EXTL3: variants seen among roughly 807,000 people sequenced by gnomAD.
The protein encoded by EXTL3 is exostosin-like 3.
A neutral mutation model predicts 69.3 loss-of-function variants in EXTL3; 27 were observed. That is an observed-to-expected ratio of 0.39 (90% CI 0.29 to 0.54). The LOEUF (loss-of-function observed/expected upper bound fraction) is 0.54. Ranked by LOEUF, EXTL3 falls within the 20% of genes least tolerant of loss-of-function variation. The pLI is 0.69. For synonymous variants in EXTL3, 511 were observed against 499.4 expected (o/e 1.02, Z -0.31); for missense variants, 1,003 against 1,231.8 (o/e 0.81, Z 2.78).
At chr8:28,632,774 G>A (rs1271422214) in intron 1 of EXTL3, among the ~76,000 whole-genome samples, 4 of 151,582 alleles carry the variant, frequency 2.6e-5, no homozygotes, top group African/African-American at 9.7e-5. Context: ...GGCTGGTCTC[G>A]AACTCCTGAC....
chr8:28,634,394 C>T (rs750444435), intron 1 of EXTL3, among the ~76,000 whole-genome samples: 21 of 152,034 alleles, frequency 1.4e-4, no homozygotes, highest in South Asian at 2.1e-4. Flanking sequence ...CCGTGCAGCT[C>T]GCAGCACCCA....
intron 2 of EXTL3, among the ~76,000 whole-genome samples, chr8:28,713,801 C>T (rs1801079582): frequency 6.6e-6 from 1 of 151,838 alleles, no homozygotes; most frequent in South Asian, 2.1e-4. Flanking sequence ...GGTCTGATGT[C>T]TTGTCAGGTG....
chr8:28,733,215 G>A (rs555917163), intron 4 of EXTL3, among the ~76,000 whole-genome samples: 11 of 152,104 alleles, frequency 7.2e-5, no homozygotes, highest in East Asian at 1.9e-4. Flanking sequence ...ATTTTGAGCC[G>A]GTCAGGCTGT....
intron 6 of EXTL3, among the ~76,000 whole-genome samples, chr8:28,748,974 C>T (rs773570288): frequency 2.0e-4 from 30 of 152,108 alleles, no homozygotes; most frequent in Non-Finnish European, 2.9e-4. Context: ...ACCCAGTCGT[C>T]GATACCCTTG....
intron 3 of EXTL3, among the ~76,000 whole-genome samples, chr8:28,722,545 G>A (rs1182037619): frequency 2.0e-5 from 3 of 152,096 alleles, no homozygotes; most frequent in Non-Finnish European, 4.4e-5. Context: ...GGAGACTGAG[G>A]TGGGTGGACT....
intron 1 of EXTL3, among the ~76,000 whole-genome samples, chr8:28,639,534 G>C (rs187397551): frequency 6.6e-6 from 1 of 152,148 alleles, no homozygotes; most frequent in Non-Finnish European, 1.5e-5. Flanking sequence ...TTTTCTGAAA[G>C]GTGCTGCCTG....
intron 1 of EXTL3, among the ~76,000 whole-genome samples, chr8:28,653,768 C>T (rs1431452802): frequency 1.3e-5 from 2 of 152,158 alleles, no homozygotes; most frequent in Non-Finnish European, 2.9e-5. Context: ...GTTTTGATTA[C>T]ACTTTTTTGA....
chr8:28,696,321 A>G (rs1800685585), intron 1 of EXTL3: 1 of 152,238 alleles, frequency 6.6e-6, no homozygotes, highest in Admixed American at 6.5e-5. Flanking sequence ...CACCCAGCTC[A>G]AGAAACAGCA....
intron 1 of EXTL3, among the ~76,000 whole-genome samples, chr8:28,677,216 A>G (rs1807401544): frequency 6.6e-6 from 1 of 152,178 alleles, no homozygotes; most frequent in Non-Finnish European, 1.5e-5. Flanking sequence ...TAAAAATATC[A>G]AAGAGCTATG....
chr8:28,622,062 A>C (rs1390044633), upstream of EXTL3, among the ~76,000 whole-genome samples: 2 of 152,164 alleles, frequency 1.3e-5, no homozygotes, highest in Non-Finnish European at 2.9e-5. Context: ...CCCCTGTCAC[A>C]CAGAACCCCG....
intron 3 of EXTL3, among the ~76,000 whole-genome samples, chr8:28,720,582 A>G (rs1252345253): frequency 6.6e-6 from 1 of 152,132 alleles, no homozygotes; most frequent in African/African-American, 2.4e-5. Flanking sequence ...TCTAGCTTAG[A>G]GTGAAGGTGA....
chr8:28,687,490 A>G (rs1807596517), intron 1 of EXTL3, among the ~76,000 whole-genome samples: 1 of 151,910 alleles, frequency 6.6e-6, no homozygotes, highest in Non-Finnish European at 1.5e-5. Flanking sequence ...GAAAATGATT[A>G]CTAGGGAAGG....
rs574372147 is a variant in EXTL3, at chr8:28,744,807, T to C, written c.2550+1593T>C. 4.1e-4 allele frequency among the ~76,000 whole-genome samples: 45 copies of C among 109,912 alleles called. 1 individual carries two copies. The South Asian group carries it at 0.013, about 32-fold the overall frequency. 72.1% of individuals were successfully genotyped at this position (109,912 alleles called of 152,430 possible). ...GACTCCATCTCAAAAAAAAAAAAAA[T>C]ACACACACACGCACACACAGTAGCA... On this transcript the variant is annotated intron_variant, in intron 6 of 6. Coordinates refer to ENST00000220562, the MANE Select transcript of EXTL3 (RefSeq NM_001440.4).
intron 1 of EXTL3, among the ~76,000 whole-genome samples, chr8:28,685,587 T>C (rs1585250586): frequency 6.6e-6 from 1 of 152,128 alleles, no homozygotes; most frequent in East Asian, 1.9e-4. Context: ...CTCCGCTTCC[T>C]AAAGGGCTGG....
rs138607672 is a variant in EXTL3, at chr8:28,651,024, C to T, written c.-53+28214C>T. ...ATTTTCTTTTTCTCCTTCTTTTCAC[C>T]GGTGTTGAATGTTTCAGATCTTTGA... On this transcript the variant is annotated intron_variant, in intron 1 of 6. Transcript: ENST00000523149. Among the ~76,000 whole-genome samples the T allele has an allele frequency of 1.4e-4, 22 of 151,890 alleles. No individual in the cohort carries two copies. The East Asian group carries it at 3.5e-3, about 24-fold the overall frequency.
rs753808506 is a variant in EXTL3 at position 28,690,460 on chromosome 8, G to GGGT, written c.-52-22975_-52-22973dup. On this transcript the variant is annotated intron_variant, in intron 1 of 6. Transcript: ENST00000523149. ...AGTGGCTTAGCTGGGTGTTTTTTCT[G>GGGT]GGTGGTGGTGGTGGTGGTGGTGGTT... is the stretch of plus-strand genomic sequence containing the variant. 4.3e-4 allele frequency among the ~76,000 whole-genome samples: 65 copies of GGGT among 152,016 alleles called. 1 individual carries two copies. The highest frequency in any genetic ancestry group is 1.0e-3 in the South Asian group (5 of 4,800).
At chr8:28,613,785 A>G (rs1249241933) in intron 2 of EXTL3, among the ~76,000 whole-genome samples, 1 of 151,998 alleles carries the variant, frequency 6.6e-6, no homozygotes, top group Admixed American at 6.6e-5. Flanking sequence ...TGATCCTTTT[A>G]ATGCCATAGG....
chr8:28,695,020 T>C (rs945297088), intron 1 of EXTL3, among the ~76,000 whole-genome samples: 10 of 151,772 alleles, frequency 6.6e-5, no homozygotes, highest in Non-Finnish European at 1.3e-4. Context: ...TGTCTCCAAA[T>C]AAACAAACAA....
chr8:28,699,197 G>A (rs903321461), upstream of EXTL3, among the ~76,000 whole-genome samples: 1 of 152,042 alleles, frequency 6.6e-6, no homozygotes, highest in African/African-American at 2.4e-5. Flanking sequence ...ATAAAAATAG[G>A]ATGATGATGA....
Sources: gnomAD v4.1 joint callset for allele counts (sites outside exome capture counted in the v4.1 genomes callset) on GRCh38, gnomAD v4.1.1 for gene constraint, MANE v1.5 for transcripts, NCBI Gene and HGNC (gene_info 2026-07-23, HGNC 2026-07-21) for gene names.